SIPA1L2: variants seen among roughly 807,000 people sequenced by gnomAD.
SIPA1L2 encodes the protein signal-induced proliferation-associated 1-like protein 2.
In SIPA1L2, 56 loss-of-function variants were observed where a neutral mutation model predicts 163.9. The ratio of observed to expected loss-of-function variants is 0.34; its 90% confidence interval spans 0.28 to 0.43. SIPA1L2 has a LOEUF of 0.43. SIPA1L2 is among the 20% of genes least tolerant of loss of function. The probability of loss-of-function intolerance (pLI) is 1.00; values close to 1 mark genes in which losing one functional copy is unlikely to be tolerated. For missense variants in SIPA1L2, 1,974 were observed against 2,193.5 expected, an observed-to-expected ratio of 0.90 and a Z score of 2.00; for synonymous variants, 877 against 865.7, an observed-to-expected ratio of 1.01 and a Z score of -0.23.
At position 232,432,412 on chromosome 1, in the gene SIPA1L2, T is replaced by G; in HGVS notation, c.4091A>C (p.Asp1364Ala). Residue 1364 changes from aspartate to alanine, a missense_variant, in exon 16 of 23, where the codon GAT becomes GCT. This residue lies in a region of SIPA1L2 where 1,079 missense variants were observed against 1,150.7 expected (regional missense o/e 0.94). Coordinates refer to ENST00000674635, the MANE Select transcript of SIPA1L2 (RefSeq NM_020808.5). Reference sequence around the variant, plus strand: ...AGACACGATGTAGACTTTGGATGAATCCAGAGACCCACTACTTTTTGAACA... The same window carrying G: ...AGACACGATGTAGACTTTGGATGAAGCCAGAGACCCACTACTTTTTGAACA... ...AHCSKSSGSL[D>A]SSKVYIVSHS... 6.2e-7 allele frequency: 1 copy of G among 1,614,218 alleles called. No individual in the cohort carries two copies. Among genetic ancestry groups the G allele is most frequent in the Non-Finnish European group, 8.5e-7 (1 of 1,180,042 alleles).
chr1:232,457,273 G>A (rs1352350744), intron 10 of SIPA1L2, among the ~76,000 whole-genome samples: 1 of 152,198 alleles, frequency 6.6e-6, no homozygotes, highest in African/African-American at 2.4e-5. Flanking sequence ...GGCCACTCAT[G>A]CTGCCCACAG....
At chr1:232,456,930 G>A (rs920868494) in intron 10 of SIPA1L2, among the ~76,000 whole-genome samples, 1 of 152,090 alleles carries the variant, frequency 6.6e-6, no homozygotes, top group Non-Finnish European at 1.5e-5. Context: ...CCCAGCACGA[G>A]ATCAGTTAAT....
intron 1 of SIPA1L2, among the ~76,000 whole-genome samples, chr1:232,594,538 T>C (rs1302254223): frequency 1.3e-5 from 2 of 152,120 alleles, no homozygotes; most frequent in African/African-American, 2.4e-5. Flanking sequence ...AGTTTTTATT[T>C]CTTTAGTTTC....
At chr1:232,473,130 A>G (rs1664879425) in intron 7 of SIPA1L2, among the ~76,000 whole-genome samples, 1 of 152,248 alleles carries the variant, frequency 6.6e-6, no homozygotes, top group Non-Finnish European at 1.5e-5. Flanking sequence ...TTTCAAATGC[A>G]TGTAAATAAT....
intron 22 of SIPA1L2, among the ~76,000 whole-genome samples, chr1:232,401,028 C>A (rs1660305969): frequency 6.6e-6 from 1 of 152,188 alleles, no homozygotes; most frequent in Admixed American, 6.5e-5. Flanking sequence ...CATTCCCCAG[C>A]AGTGACATTA....
chr1:232,441,876 G>T lies in SIPA1L2; in HGVS notation c.3438-8C>A. 6.2e-7 allele frequency: 1 copy of T among 1,608,304 alleles called. No homozygotes were observed. The highest frequency in any genetic ancestry group is 8.5e-7 in the Non-Finnish European group (1 of 1,176,640). On this transcript the variant is annotated splice_region_variant and splice_polypyrimidine_tract_variant and intron_variant, in intron 12 of 22. Coordinates refer to ENST00000674635, the MANE Select transcript of SIPA1L2 (RefSeq NM_020808.5). ...AGTAGAGGGGACTGGCACCTGAAAA[G>T]AACACAGAGTTGAGCCTGTCCTTTC...
intron 9 of SIPA1L2, chr1:232,462,067 T>C (rs561670428): frequency 2.0e-4 from 157 of 780,034 alleles, no homozygotes; most frequent in Non-Finnish European, 3.0e-4. Flanking sequence ...TCAGTGTATG[T>C]ACCTTACTCA....
rs141087091 is a variant in SIPA1L2 at position 232,490,925 on chromosome 1, A to C, written c.1755T>G (p.Ala585=). Reference sequence around the variant, plus strand: ...GCTCTGAGACCTTGGGTGAGTTGGAAGCCTGTCGCAAACACTGAATGCTCA... The same window carrying C: ...GCTCTGAGACCTTGGGTGAGTTGGACGCCTGTCGCAAACACTGAATGCTCA... ...PELSIQCLRQ[A]SNSPKVSEQL... is the part of the protein sequence containing the mutation. The change falls in exon 5 of 23, where the codon GCT becomes GCG. Residue 585 remains alanine (A), a synonymous_variant. Transcript: ENST00000674635. The C allele has an allele frequency of 2.5e-4, 405 of 1,614,152 alleles. No homozygotes were observed. In the African/African-American group the frequency reaches 4.9e-3, roughly 20 times the overall value.
In SIPA1L2 at chr1:232,432,477, G is replaced by A. The variant is rs201855706; in HGVS notation, c.4032-6C>T. On this transcript the variant is annotated splice_region_variant and splice_polypyrimidine_tract_variant and intron_variant, in intron 15 of 22. Coordinates refer to ENST00000674635, the MANE Select transcript of SIPA1L2 (RefSeq NM_020808.5). ...TTCCTGAATGGTGAGAACCACTGAG[G>A]AGAAAAACAGACAAAAGCTGCAATA... The A allele has an allele frequency of 3.7e-6, 6 of 1,611,740 alleles. No individual in the cohort carries two copies. The African/African-American group carries it at 6.7e-5, about 18-fold the overall frequency.
At chr1:232,458,335 T>C (rs1198266054) in intron 10 of SIPA1L2, among the ~76,000 whole-genome samples, 3 of 152,226 alleles carry the variant, frequency 2.0e-5, no homozygotes, top group African/African-American at 7.2e-5. Context: ...AGGAAAAACA[T>C]GTCCTTGGAT....
intron 2 of SIPA1L2, among the ~76,000 whole-genome samples, chr1:232,550,315 A>G (rs577493235): frequency 6.6e-6 from 1 of 152,356 alleles, no homozygotes; most frequent in Non-Finnish European, 1.5e-5. Flanking sequence ...AGTATTTTAA[A>G]TATGAACGTT....
rs1332453379 is a variant in SIPA1L2 at position 232,465,657 on chromosome 1, T to A, written c.2244-241A>T. The stretch of plus-strand genomic sequence containing the variant: ...GTTGTTTAAGCAAAATGCTTTAAAC[T>A]TAGTAGACAGGAGGTGTAATGGGCT... On this transcript the variant is annotated intron_variant, in intron 8 of 22. Transcript: ENST00000674635. This position sits in a 1 kb window ranked among gnomAD's most constrained non-coding sequence, Gnocchi z 4.1. Among the ~76,000 whole-genome samples the A allele has an allele frequency of 2.0e-5, 3 of 151,988 alleles. No individual in the cohort carries two copies. In the East Asian group the frequency reaches 5.8e-4, roughly 30 times the overall value.
At chr1:232,499,603 G>C (rs1157123709) in intron 3 of SIPA1L2, among the ~76,000 whole-genome samples, 1 of 152,238 alleles carries the variant, frequency 6.6e-6, no homozygotes, top group Admixed American at 6.5e-5. Context: ...TAAGTGCAAG[G>C]TGAAGTAGCA....
intron 10 of SIPA1L2, among the ~76,000 whole-genome samples, chr1:232,452,967 C>T (rs1210680938): frequency 6.6e-6 from 1 of 151,982 alleles, no homozygotes; most frequent in East Asian, 1.9e-4. Context: ...TCTGTTTCCA[C>T]AAAAAGGGGG....
chr1:232,583,435 A>C (rs921470000), intron 1 of SIPA1L2, among the ~76,000 whole-genome samples: 1 of 152,238 alleles, frequency 6.6e-6, no homozygotes, highest in Non-Finnish European at 1.5e-5. Flanking sequence ...GTTGTAGCTT[A>C]TATTAGTTAT....
chr1:232,595,023 A>G (rs1661180197), intron 1 of SIPA1L2, among the ~76,000 whole-genome samples: 1 of 152,162 alleles, frequency 6.6e-6, no homozygotes, highest in African/African-American at 2.4e-5. Context: ...CAAGTTTGAG[A>G]GGGCACAAAA....
chr1:232,556,558 G>C (rs1361792661), intron 2 of SIPA1L2, among the ~76,000 whole-genome samples: 1 of 152,076 alleles, frequency 6.6e-6, no homozygotes, highest in Non-Finnish European at 1.5e-5. Context: ...TTCAGATATG[G>C]AGAAACCAGA....
intron 6 of SIPA1L2, among the ~76,000 whole-genome samples, chr1:232,481,296 T>C (rs2102972455): frequency 6.6e-6 from 1 of 152,278 alleles, no homozygotes; most frequent in South Asian, 2.1e-4. Flanking sequence ...CTTCAATGAA[T>C]AATGGACTCA....
chr1:232,445,882 G>T, intron 10 of SIPA1L2, 96 bp from the exon 11 acceptor site: 1 of 1,360,258 alleles, frequency 7.4e-7, no homozygotes, highest in Non-Finnish European at 1.0e-6. Flanking sequence ...ACATCACATG[G>T]TGTGTGCCTC....
Sources: gnomAD v4.1 joint callset for allele counts (sites outside exome capture counted in the v4.1 genomes callset) on GRCh38, gnomAD v4.1.1 for gene constraint, gnomAD v4.1.1 regional missense constraint, Gnocchi (gnomAD v3.1) non-coding constraint, MANE v1.5 for transcripts, NCBI Gene and HGNC (gene_info 2026-07-23, HGNC 2026-07-21) for gene names.